MCTP1: variants seen among roughly 807,000 people sequenced by gnomAD.
The protein encoded by MCTP1 is multiple C2 and transmembrane domain containing 1, also known as multiple C2 and transmembrane domain-containing protein 1.
Under a neutral mutation model 120.6 loss-of-function variants are expected in MCTP1, and 69 were observed. The ratio of observed to expected loss-of-function variants is 0.57; its 90% CI spans 0.47 to 0.70. The LOEUF (loss-of-function observed/expected upper bound fraction) is 0.70, where lower values mean the gene tolerates loss of function less well. MCTP1 is among the 30% of genes least tolerant of loss of function. MCTP1 has a pLI of 0.00. For missense variants in MCTP1, 1,203 were observed against 1,248.8 expected (o/e 0.96, Z 0.55); for synonymous variants, 529 against 493.1 (o/e 1.07, Z -0.96).
At chr5:94,974,719 T>C (rs1358699066) in intron 2 of MCTP1, among the ~76,000 whole-genome samples, 1 of 151,820 alleles carries the variant, frequency 6.6e-6, no homozygotes, top group Non-Finnish European at 1.5e-5. Context: ...CTATAGAATA[T>C]ATGCATGAAA....
chr5:95,211,745 G>C (rs1051247711), intron 1 of MCTP1, among the ~76,000 whole-genome samples: 1 of 152,182 alleles, frequency 6.6e-6, no homozygotes. Context: ...GAGGAGGAGA[G>C]GTGCTCTGCT....
At chr5:95,053,368 A>G (rs1412279721) in intron 1 of MCTP1, among the ~76,000 whole-genome samples, 1 of 152,182 alleles carries the variant, frequency 6.6e-6, no homozygotes, top group Non-Finnish European at 1.5e-5. Context: ...GTGAATATAA[A>G]ACTATGGCTA....
chr5:94,732,013 C>A (rs977463121), intron 19 of MCTP1, among the ~76,000 whole-genome samples: 11 of 152,300 alleles, frequency 7.2e-5, no homozygotes, highest in African/African-American at 2.6e-4. Flanking sequence ...CCTGTAAGGT[C>A]ATTTTATAGA....
intron 1 of MCTP1, among the ~76,000 whole-genome samples, chr5:95,133,038 T>C (rs78815397): frequency 0.022 from 3,304 of 152,238 alleles, 130 homozygotes; most frequent in African/African-American, 0.075. Context: ...GAAGAACTCA[T>C]AAAAAATCAT....
chr5:95,214,520 T>C (rs921377879), intron 1 of MCTP1, among the ~76,000 whole-genome samples: 10 of 152,174 alleles, frequency 6.6e-5, no homozygotes, highest in Non-Finnish European at 1.2e-4. Context: ...ACTGGGTATA[T>C]ACCCAAAGGA....
At chr5:95,270,746 A>G (rs1337034894) in intron 1 of MCTP1, among the ~76,000 whole-genome samples, 2 of 152,170 alleles carry the variant, frequency 1.3e-5, no homozygotes, top group African/African-American at 2.4e-5. Context: ...CCTGGCCAAC[A>G]TGGTGAAACC....
At chr5:95,140,408 G>C (rs1253527948) in intron 1 of MCTP1, among the ~76,000 whole-genome samples, 1 of 152,106 alleles carries the variant, frequency 6.6e-6, no homozygotes, top group South Asian at 2.1e-4. Context: ...TAGGAGGACA[G>C]AAGGCATTTT....
At chr5:95,014,033 G>A (rs968070463) in intron 2 of MCTP1, among the ~76,000 whole-genome samples, 6 of 151,852 alleles carry the variant, frequency 4.0e-5, no homozygotes, top group Non-Finnish European at 7.4e-5. Context: ...GTCCAAAGGG[G>A]GAAGATCACT....
chr5:94,980,421 G>A (rs1252487971), intron 2 of MCTP1, among the ~76,000 whole-genome samples: 1 of 152,126 alleles, frequency 6.6e-6, no homozygotes, highest in Admixed American at 6.6e-5. Flanking sequence ...TGATCATATA[G>A]ACGGAATGTA....
At chr5:95,092,482 A>C (rs1755924093) in intron 1 of MCTP1, among the ~76,000 whole-genome samples, 1 of 152,212 alleles carries the variant, frequency 6.6e-6, no homozygotes, top group South Asian at 2.1e-4. Flanking sequence ...TAAAATTAGC[A>C]ACAATTTATT....
At chr5:94,930,607 A>G (rs1156538394) in intron 6 of MCTP1, 2 of 152,114 alleles carry the variant, frequency 1.3e-5, no homozygotes, top group African/African-American at 4.8e-5. Context: ...TTTATACAAT[A>G]GAATGGATTA....
chr5:94,764,631 A>G (rs1210426053), intron 19 of MCTP1, among the ~76,000 whole-genome samples: 2 of 152,096 alleles, frequency 1.3e-5, no homozygotes, highest in African/African-American at 4.8e-5. Context: ...GTAAAAGGAG[A>G]CAAAGAAGGT....
At chr5:94,994,259 C>G (rs964983992) in intron 2 of MCTP1, among the ~76,000 whole-genome samples, 1 of 152,126 alleles carries the variant, frequency 6.6e-6, no homozygotes, top group African/African-American at 2.4e-5. Flanking sequence ...ATTTAGTATA[C>G]AAAGGACATC....
At chr5:95,148,619 T>C (rs991784349) in intron 1 of MCTP1, among the ~76,000 whole-genome samples, 11 of 152,230 alleles carry the variant, frequency 7.2e-5, no homozygotes, top group Admixed American at 4.6e-4. Flanking sequence ...CTTGGATTCC[T>C]TGGATTGGGT....
chr5:95,047,187 C>T (rs138017556), intron 1 of MCTP1, among the ~76,000 whole-genome samples: 9 of 152,064 alleles, frequency 5.9e-5, no homozygotes, highest in East Asian at 1.9e-4. Context: ...CCTTGAAGAC[C>T]GTTTGCTTTC....
chr5:94,985,926 A>G (rs947402862), intron 2 of MCTP1, among the ~76,000 whole-genome samples: 1 of 152,146 alleles, frequency 6.6e-6, no homozygotes, highest in African/African-American at 2.4e-5. Context: ...GAAAAGTTTT[A>G]TTTCTTTTAA....
chr5:94,748,329 C>T (rs944957383), intron 19 of MCTP1, among the ~76,000 whole-genome samples: 25 of 152,170 alleles, frequency 1.6e-4, no homozygotes, highest in African/African-American at 4.1e-4. Flanking sequence ...CACAGGGTGA[C>T]GACTGTGGAA....
chr5:94,727,380 C>T (rs1762332390), intron 19 of MCTP1, among the ~76,000 whole-genome samples: 1 of 152,152 alleles, frequency 6.6e-6, no homozygotes, highest in African/African-American at 2.4e-5. Flanking sequence ...ATATGAGCCA[C>T]CTTCAGCAAA....
At chr5:95,104,177 C>G (rs533151961) in intron 1 of MCTP1, among the ~76,000 whole-genome samples, 2 of 152,260 alleles carry the variant, frequency 1.3e-5, no homozygotes, top group East Asian at 1.9e-4. Context: ...ACTTACCCCC[C>G]CTCCCAAGTT....
Sources: allele counts gnomAD v4.1 joint callset (sites outside exome capture counted in the v4.1 genomes callset), GRCh38; gene constraint gnomAD v4.1.1; transcripts MANE v1.5; gene names NCBI Gene and HGNC (gene_info 2026-07-23, HGNC 2026-07-21).